The following XCL2 variants were observed in gnomAD, a reference collection of about 807,000 sequenced individuals.
XCL2 encodes cytokine SCM-1 beta.
Under a neutral mutation model 7.2 loss-of-function variants are expected in XCL2, and 8 were observed. The observed-to-expected ratio is 1.10, with a 90% CI of 0.65 to 1.99. The LOEUF (loss-of-function observed/expected upper bound fraction) is 1.99. XCL2 is among the 30% of genes most tolerant of loss of function. XCL2 has a pLI of 0.00. For synonymous variants in XCL2, 46 were observed against 54.2 expected, an observed-to-expected ratio of 0.85 and a Z score of 0.67; for missense variants, 131 against 138.6, an observed-to-expected ratio of 0.94 and a Z score of 0.28.
At chr1:168,543,663 T>A (rs533289563) in intron 1 of XCL2, among the ~76,000 whole-genome samples, 1 of 146,366 alleles carries the variant, frequency 6.8e-6, no homozygotes, top group South Asian at 2.3e-4. Context: ...GGTTAAGGAA[T>A]TTACCTGAAA....
intron 2 of XCL2, 88 bp from the exon 3 acceptor site, chr1:168,541,208 T>C: frequency 6.7e-7 from 1 of 1,500,026 alleles, no homozygotes; most frequent in Middle Eastern, 1.9e-4. Flanking sequence ...CATGAAGAGA[T>C]CTTGTGCAGA....
rs200963789 is a variant in XCL2, at chr1:168,542,108, C to T, written c.62-1G>A. On this transcript the variant is annotated splice_acceptor_variant, in intron 1 of 2. Coordinates refer to ENST00000367819, the MANE Select transcript of XCL2 (RefSeq NM_003175.4). LOFTEE classifies it high-confidence loss of function. ...CTATGTGAGACTTCACTCCCTACACCTGATGAGGAAAAAAAAACAACAGAC... is the reference window on the plus strand; with the variant it reads ...CTATGTGAGACTTCACTCCCTACACTTGATGAGGAAAAAAAAACAACAGAC... The T allele has an allele frequency of 2.4e-5, 35 of 1,485,384 alleles. No individual in the cohort carries two copies. The highest frequency in any genetic ancestry group is 3.6e-6 in the Non-Finnish European group (4 of 1,106,532). The allele number at this position is 1,485,384 out of a possible 1,614,324, so 92.0% of individuals were successfully genotyped here.
At chr1:168,541,940 T>C in intron 2 of XCL2, 53 bp downstream of exon 2, 2 of 1,572,674 alleles carry the variant, frequency 1.3e-6, no homozygotes, top group Non-Finnish European at 1.7e-6. Flanking sequence ...ATAGAGTGTA[T>C]TTCTATACCT....
chr1:168,542,516 C>T (rs1654310464), intron 1 of XCL2, among the ~76,000 whole-genome samples: 2 of 151,998 alleles, frequency 1.3e-5, no homozygotes, highest in Admixed American at 6.6e-5. Flanking sequence ...CATATCTTCT[C>T]ATGAGGGAGC....
At position 168,542,216 on chromosome 1, in the gene XCL2, AT is replaced by A. The variant is rs1654302993; in HGVS notation, c.62-110del. ...GAGAATGTTGTGAGAATATAAGGCC[AT>A]TTGCTTTTTGGGGGAAGAGAGGACT... On this transcript the variant is annotated intron_variant, in intron 1 of 2. Transcript: ENST00000367819. 1.3e-5 allele frequency: 13 copies of A among 977,406 alleles called. No homozygotes were observed. The South Asian group carries it at 3.7e-4, about 28-fold the overall frequency. The allele number at this position is 977,406 out of a possible 1,614,324, so 60.5% of individuals were successfully genotyped here.
chr1:168,541,805 G>T (rs1654288958), intron 2 of XCL2, among the ~76,000 whole-genome samples, 188 bp downstream of exon 2: 1 of 152,096 alleles, frequency 6.6e-6, no homozygotes, highest in Non-Finnish European at 1.5e-5. Context: ...CCCAATTTCT[G>T]CAATAATCGC....
chr1:168,540,897 G>T lies in XCL2; in HGVS notation c.*55C>A. On this transcript the variant is annotated 3_prime_UTR_variant, in exon 3 of 3. Coordinates refer to ENST00000367819, the MANE Select transcript of XCL2 (RefSeq NM_003175.4). ...AGGTGAGTATAATCTCAGTCCATGAGGGTGTAAAGTGAAATGAGCTGGCTG... is the reference window on the plus strand; with the variant it reads ...AGGTGAGTATAATCTCAGTCCATGATGGTGTAAAGTGAAATGAGCTGGCTG... 7 of 1,596,830 alleles carry T rather than the reference G, an allele frequency of 4.4e-6. No homozygotes were observed. The highest frequency in any genetic ancestry group is 6.0e-6 in the Non-Finnish European group (7 of 1,168,918).
At chr1:168,543,845 T>C (rs1408570168) in intron 1 of XCL2, 59 bp downstream of exon 1, 8 of 1,606,468 alleles carry the variant, frequency 5.0e-6, no homozygotes, top group Non-Finnish European at 6.8e-6. Flanking sequence ...AAACCCAAAA[T>C]GTGTGCCCAC....
chr1:168,540,808 T>A lies in XCL2; in HGVS notation c.*144A>T. 3 of 996,034 alleles carry A rather than the reference T, an allele frequency of 3.0e-6. No homozygotes were observed. The highest frequency in any genetic ancestry group is 1.4e-6 in the Non-Finnish European group (1 of 706,216). 61.7% of individuals were successfully genotyped at this position (996,034 alleles called of 1,614,324 possible). On this transcript the variant is annotated 3_prime_UTR_variant, in exon 3 of 3. Coordinates refer to ENST00000367819, the MANE Select transcript of XCL2 (RefSeq NM_003175.4). The stretch of plus-strand genomic sequence containing the variant: ...TTATTAATTAGAACATATAAGTGAA[T>A]ACAGAAGACATTTAAAAGTAAAAAT...
intron 1 of XCL2, among the ~76,000 whole-genome samples, chr1:168,542,499 CA>C (rs1402878442): frequency 2.6e-5 from 4 of 152,114 alleles, no homozygotes; most frequent in African/African-American, 9.7e-5. Flanking sequence ...TCCCTGTTTT[CA>C]TAGAGCATAT....
In XCL2 at chr1:168,543,990, G is replaced by A. The variant is rs3820407; in HGVS notation, c.-26C>T. The A allele has an allele frequency of 0.1, 146,736 of 1,399,440 alleles. 18,438 individuals carry two copies. Among genetic ancestry groups the A allele is most frequent in the African/African-American group, 0.15 (8,132 of 56,054 alleles). The allele number at this position is 1,399,440 out of a possible 1,614,324, so 86.7% of individuals were successfully genotyped here. A position where few individuals can be genotyped will look rare whatever the true frequency, so the allele number is the denominator to read the frequency against. The stretch of plus-strand genomic sequence containing the variant: ...GGCTGAGGTCCCGCTGAGCTGTGCA[G>A]GGAGAGTGAGGATCGGGCTCTTTGA... On this transcript the variant is annotated 5_prime_UTR_variant, in exon 1 of 3. Transcript: ENST00000367819.
intron 2 of XCL2, among the ~76,000 whole-genome samples, chr1:168,541,583 T>C (rs916714448): frequency 6.6e-6 from 1 of 152,176 alleles, no homozygotes; most frequent in Admixed American, 6.5e-5. Flanking sequence ...ATGTAGGTTG[T>C]GCATTGACTC....
intron 1 of XCL2, among the ~76,000 whole-genome samples, chr1:168,543,507 C>A (rs2101816806): frequency 6.6e-6 from 1 of 151,362 alleles, no homozygotes; most frequent in East Asian, 2.0e-4. Context: ...CACCTCTAAT[C>A]CATAGCTAAC....
intron 2 of XCL2, among the ~76,000 whole-genome samples, chr1:168,541,574 T>G (rs1465896893): frequency 2.0e-5 from 3 of 152,242 alleles, no homozygotes; most frequent in Middle Eastern, 6.8e-3. Context: ...AAAGGGACCA[T>G]GTAGGTTGTG....
At position 168,541,089 on chromosome 1, in the gene XCL2, C is replaced by T; in HGVS notation, c.208G>A (p.Ala70Thr). ...CTCACCCACGTGGCTTGTGGATCAG[C>T]ACAGACTTTTAGGCCACGTTTGGTA... ...FITKRGLKVC[A>T]DPQATWVRDV... The change falls in exon 3 of 3, where the codon GCT (alanine) becomes ACT (threonine). Residue 70 changes from alanine to threonine, a missense_variant. Transcript: ENST00000367819. 1.2e-6 allele frequency: 2 copies of T among 1,613,648 alleles called. No individual in the cohort carries two copies. Among genetic ancestry groups the T allele is most frequent in the Non-Finnish European group, 1.7e-6 (2 of 1,179,682 alleles).
chr1:168,542,783 C>T lies in XCL2; in HGVS notation c.62-676G>A, dbSNP rs4276892. ...AAGAAGGTGGCCCAGTCCCTGCCGT[C>T]GTGAGGAAGCAGGAGGCTAAGAAAG... On this transcript the variant is annotated intron_variant, in intron 1 of 2. Coordinates refer to ENST00000367819, the MANE Select transcript of XCL2 (RefSeq NM_003175.4). 1.0e-3 allele frequency: 168 copies of T among 161,566 alleles called. 1 individual carries two copies. Among genetic ancestry groups the T allele is most frequent in the African/African-American group, 3.7e-3 (152 of 41,542 alleles). 10.0% of individuals were successfully genotyped at this position (161,566 alleles called of 1,614,324 possible).
At chr1:168,543,394 T>A (rs1363470131) in intron 1 of XCL2, 1 of 186,984 alleles carries the variant, frequency 5.3e-6, no homozygotes, top group African/African-American at 2.4e-5. Flanking sequence ...AGAACATACA[T>A]CCTCTGGTGC....
In XCL2 at chr1:168,541,979, G is replaced by T. The variant is rs755652691; in HGVS notation, c.176+14C>A. Reference sequence around the variant, plus strand: ...GGTACCCACCCAGCCCAACTTCTGAGGAGGCAGACTCACATTACTGCTCTC... The same window carrying T: ...GGTACCCACCCAGCCCAACTTCTGATGAGGCAGACTCACATTACTGCTCTC... On this transcript the variant is annotated intron_variant, in intron 2 of 2. Transcript: ENST00000367819. 1.2e-5 allele frequency: 20 copies of T among 1,609,496 alleles called. No homozygotes were observed. In the East Asian group the frequency reaches 4.5e-4, roughly 36 times the overall value.
At position 168,541,063 on chromosome 1, in the gene XCL2, T is replaced by G. The variant is rs1432615533; in HGVS notation, c.234A>C (p.Arg78Ser). 2 of 1,613,726 alleles carry G rather than the reference T, an allele frequency of 1.2e-6. No individual in the cohort carries two copies. The highest frequency in any genetic ancestry group is 2.2e-5 in the East Asian group (1 of 44,872). The change falls in exon 3 of 3, where the codon AGA (arginine) becomes AGC (serine). Residue 78 changes from arginine (R) to serine (S), a missense_variant. By Grantham distance (110) the Arg-to-Ser change is moderately radical. Coordinates refer to ENST00000367819, the MANE Select transcript of XCL2 (RefSeq NM_003175.4). ...VCADPQATWV[R>S]DVVRSMDRKS... Reference sequence around the variant, plus strand: ...TCCTGTCCATGCTCCTGACCACGTCTCTCACCCACGTGGCTTGTGGATCAG... The same window carrying G: ...TCCTGTCCATGCTCCTGACCACGTCGCTCACCCACGTGGCTTGTGGATCAG...
Sources: gnomAD v4.1 joint callset for allele counts (sites outside exome capture counted in the v4.1 genomes callset) on GRCh38, gnomAD v4.1.1 for gene constraint, MANE v1.5 for transcripts, NCBI Gene and HGNC (gene_info 2026-07-23, HGNC 2026-07-21) for gene names.